Variants in SLC35F1 observed in about 807,000 individuals in gnomAD.
The protein encoded by SLC35F1 is solute carrier family 35 member F1.
Under a neutral mutation model 48.7 loss-of-function variants are expected in SLC35F1, and 14 were observed. The observed-to-expected ratio is 0.29, with a 90% CI of 0.19 to 0.45. The LOEUF (loss-of-function observed/expected upper bound fraction) is 0.45. Among genes scored for constraint, SLC35F1 ranks in the 20% least tolerant of loss-of-function variants. The probability of loss-of-function intolerance (pLI) is 1.00; values close to 1 mark genes in which losing one functional copy is unlikely to be tolerated. For missense variants in SLC35F1, 404 were observed against 500.0 expected (o/e 0.81, Z 1.83); for synonymous variants, 190 against 202.2 (o/e 0.94, Z 0.51).
At chr6:117,999,236 G>C in intron 1 of SLC35F1, 1 of 1,596,384 alleles carries the variant, frequency 6.3e-7, no homozygotes, top group Middle Eastern at 2.2e-4. Flanking sequence ...GATCCCAAAG[G>C]GAGTCAGCTG....
chr6:118,173,795 C>T (rs1451508609), intron 2 of SLC35F1, among the ~76,000 whole-genome samples: 2 of 152,020 alleles, frequency 1.3e-5, no homozygotes, highest in African/African-American at 4.8e-5. Context: ...GTGCAGAAAC[C>T]CTGGTACAGG....
chr6:118,131,120 G>T (rs1022944449), intron 1 of SLC35F1, among the ~76,000 whole-genome samples: 1 of 152,020 alleles, frequency 6.6e-6, no homozygotes, highest in African/African-American at 2.4e-5. Flanking sequence ...AAACACACAC[G>T]AGTTTTTTAA....
At chr6:118,172,769 TTGA>T (rs1774425427) in intron 2 of SLC35F1, among the ~76,000 whole-genome samples, 1 of 152,192 alleles carries the variant, frequency 6.6e-6, no homozygotes, top group Non-Finnish European at 1.5e-5. Context: ...GTTAATCTAT[TTGA>T]TGATATTTGA....
intron 1 of SLC35F1, among the ~76,000 whole-genome samples, chr6:118,046,662 C>G (rs1191413843): frequency 6.6e-6 from 1 of 152,026 alleles, no homozygotes; most frequent in Non-Finnish European, 1.5e-5. Context: ...TTGTATAGCT[C>G]CTAGGATAGT....
chr6:118,196,713 ACT>A (rs796210621), intron 2 of SLC35F1, among the ~76,000 whole-genome samples: 6 of 152,090 alleles, frequency 3.9e-5, no homozygotes, highest in African/African-American at 1.4e-4. Context: ...ACAGAGTGAG[ACT>A]CTGTCTCAAA....
At chr6:118,042,790 G>A (rs1375642200) in intron 1 of SLC35F1, among the ~76,000 whole-genome samples, 1 of 152,146 alleles carries the variant, frequency 6.6e-6, no homozygotes, top group Non-Finnish European at 1.5e-5. Context: ...AGACAATTCT[G>A]CCTTAGAAGC....
chr6:118,273,898 A>G (rs566305466), intron 4 of SLC35F1, among the ~76,000 whole-genome samples: 5 of 152,232 alleles, frequency 3.3e-5, no homozygotes, highest in South Asian at 2.1e-4. Context: ...TCTATCTCCA[A>G]TCCTTGACAG....
At chr6:117,911,360 G>C (rs1162651708) in intron 1 of SLC35F1, among the ~76,000 whole-genome samples, 2 of 150,688 alleles carry the variant, frequency 1.3e-5, no homozygotes, top group African/African-American at 2.4e-5. Flanking sequence ...GAAAAAATAC[G>C]GCAAAGTCTT....
intron 1 of SLC35F1, among the ~76,000 whole-genome samples, chr6:118,131,795 T>TTATC (rs1773716232): frequency 2.0e-5 from 2 of 98,062 alleles, no homozygotes; most frequent in African/African-American, 7.8e-5. Context: ...ATTATATTAT[T>TTATC]TGCACACATT....
At chr6:117,992,457 C>T (rs2114858720) in intron 1 of SLC35F1, among the ~76,000 whole-genome samples, 2 of 152,262 alleles carry the variant, frequency 1.3e-5, no homozygotes, top group Admixed American at 6.5e-5. Flanking sequence ...CATTCTTGTC[C>T]TTCTTCGCCT....
At chr6:117,952,181 AGTGT>A (rs146160356) in intron 1 of SLC35F1, among the ~76,000 whole-genome samples, 1 of 150,912 alleles carries the variant, frequency 6.6e-6, no homozygotes, top group African/African-American at 2.4e-5. Context: ...TGTCTGTATG[AGTGT>A]GTGTGTGTGT....
intron 1 of SLC35F1, among the ~76,000 whole-genome samples, chr6:117,964,266 C>T (rs1776532666): frequency 6.6e-6 from 1 of 152,182 alleles, no homozygotes; most frequent in South Asian, 2.1e-4. Flanking sequence ...CTCATGTTCT[C>T]TTTGCCCAGC....
chr6:118,233,546 T>G (rs1309025941), intron 2 of SLC35F1, among the ~76,000 whole-genome samples: 1 of 152,214 alleles, frequency 6.6e-6, no homozygotes, highest in Non-Finnish European at 1.5e-5. Context: ...TTTTTTTTGT[T>G]TTCAATTCAT....
intron 3 of SLC35F1, among the ~76,000 whole-genome samples, chr6:118,240,833 G>A (rs1022630343): frequency 2.6e-5 from 4 of 152,284 alleles, no homozygotes; most frequent in African/African-American, 9.6e-5. Context: ...TTCCGAGCAG[G>A]GTCGTGTCTG....
chr6:117,939,629 GT>G lies in SLC35F1; in HGVS notation c.173+31732del. ...CCTAATAGTTTCCTGAAAAGTACCA[GT>G]TAAAAAGGACCTAAAGGGAATAAAC... On this transcript the variant is annotated intron_variant, in intron 1 of 7. Coordinates refer to ENST00000360388, the MANE Select transcript of SLC35F1 (RefSeq NM_001029858.4). 2.0e-5 allele frequency among the ~76,000 whole-genome samples: 3 copies of G among 152,278 alleles called. No homozygotes were observed. In the East Asian group the frequency reaches 5.8e-4, roughly 29 times the overall value.
intron 1 of SLC35F1, among the ~76,000 whole-genome samples, chr6:118,089,851 A>G (rs1773047493): frequency 6.6e-6 from 1 of 152,234 alleles, no homozygotes; most frequent in African/African-American, 2.4e-5. Flanking sequence ...CTGGAATGAA[A>G]GTCTTTCTTC....
In SLC35F1 at chr6:118,266,377, T is replaced by G. The variant is rs563156089; in HGVS notation, c.478-618T>G. Among the ~76,000 whole-genome samples, 700 of 152,326 alleles carry G rather than the reference T, an allele frequency of 4.6e-3. 9 individuals are homozygous for G. Among genetic ancestry groups the G allele is most frequent in the African/African-American group, 0.015 (639 of 41,566 alleles). On this transcript the variant is annotated intron_variant, in intron 3 of 7. Coordinates refer to ENST00000360388, the MANE Select transcript of SLC35F1 (RefSeq NM_001029858.4). ...TTCAACTTTCTTTAAAAAATTTTTTTTCTAATAGTTCTTTTAAGTATTTCT... is the reference window on the plus strand; with the variant it reads ...TTCAACTTTCTTTAAAAAATTTTTTGTCTAATAGTTCTTTTAAGTATTTCT...
At chr6:118,071,072 AC>A (rs1562280980) in intron 1 of SLC35F1, among the ~76,000 whole-genome samples, 8 of 3,970 alleles carry the variant, frequency 2.0e-3, no homozygotes, top group Non-Finnish European at 3.7e-3. Context: ...ACGTATATAT[AC>A]TATGTGTATA....
At chr6:118,172,371 A>G (rs958496273) in intron 2 of SLC35F1, among the ~76,000 whole-genome samples, 1 of 152,098 alleles carries the variant, frequency 6.6e-6, no homozygotes, top group Non-Finnish European at 1.5e-5. Context: ...TCTATAACCT[A>G]ATGTCACCTA....
Sources: gnomAD v4.1 joint callset for allele counts (sites outside exome capture counted in the v4.1 genomes callset) on GRCh38, gnomAD v4.1.1 for gene constraint, MANE v1.5 for transcripts, NCBI Gene and HGNC (gene_info 2026-07-23, HGNC 2026-07-21) for gene names.